VEPH1: variants seen among roughly 807,000 people sequenced by gnomAD.
VEPH1 encodes the protein ventricular zone-expressed PH domain-containing protein homolog 1.
VEPH1 carries 80 observed loss-of-function variants against 85.2 expected under a neutral mutation model. The ratio of observed to expected loss-of-function variants is 0.94; its 90% CI spans 0.78 to 1.13. The LOEUF is 1.13. Ranked by LOEUF, VEPH1 falls within the 50% of genes most tolerant of loss-of-function variation. The pLI is 0.00. For missense variants in VEPH1, 955 were observed against 980.5 expected, an observed-to-expected ratio of 0.97 and a Z score of 0.35; for synonymous variants, 297 against 348.0, an observed-to-expected ratio of 0.85 and a Z score of 1.63.
At chr3:157,389,628 CAGATAGAT>C (rs3086054) in intron 6 of VEPH1, among the ~76,000 whole-genome samples, 51,458 of 143,764 alleles carry the variant, frequency 0.36, 9,276 homozygotes, top group East Asian at 0.37. Flanking sequence ...GATAGGTAAG[CAGATAGAT>C]AGATAGATAG....
At chr3:157,269,642 G>GTTTTTTTTTTTTTTTTT (rs11408861) in intron 12 of VEPH1, among the ~76,000 whole-genome samples, 55 of 115,452 alleles carry the variant, frequency 4.8e-4, no homozygotes, top group African/African-American at 5.6e-4. Context: ...TGTTTTTGTT[G>GTTTTTTTTTTTTTTTTT]TTTTTTTTTT....
intron 2 of VEPH1, among the ~76,000 whole-genome samples, chr3:157,470,857 G>A (rs960481172): frequency 2.6e-5 from 4 of 152,134 alleles, no homozygotes; most frequent in African/African-American, 9.7e-5. Context: ...CAGGGCAGGG[G>A]TTACTTTTTA....
At chr3:157,502,525 T>C (rs895703136) in intron 1 of VEPH1, among the ~76,000 whole-genome samples, 2 of 152,182 alleles carry the variant, frequency 1.3e-5, no homozygotes, top group Admixed American at 6.5e-5. Context: ...CGTGGGTTTG[T>C]TCTTCCAGAA....
At chr3:157,437,132 C>G (rs1023946004) in intron 4 of VEPH1, 1 of 1,559,912 alleles carries the variant, frequency 6.4e-7, no homozygotes, top group Non-Finnish European at 8.8e-7. Context: ...AAATAACACA[C>G]ATATACTTTG....
chr3:157,398,571 T>A (rs990019716), intron 6 of VEPH1, among the ~76,000 whole-genome samples: 8 of 151,126 alleles, frequency 5.3e-5, no homozygotes, highest in African/African-American at 2.0e-4. Context: ...GAGGTGGAGG[T>A]TGCAGTGAGC....
chr3:157,349,670 T>C (rs757703752), intron 9 of VEPH1, among the ~76,000 whole-genome samples: 2 of 152,102 alleles, frequency 1.3e-5, no homozygotes, highest in Non-Finnish European at 2.9e-5. Flanking sequence ...AATTAATAAA[T>C]GAACTCAGTA....
At chr3:157,393,335 A>G (rs768549550) in intron 6 of VEPH1, among the ~76,000 whole-genome samples, 1 of 152,214 alleles carries the variant, frequency 6.6e-6, no homozygotes, top group Non-Finnish European at 1.5e-5. Flanking sequence ...AAATGCTATT[A>G]CCAAATTCAT....
At chr3:157,502,026 A>G (rs998397474) in intron 1 of VEPH1, among the ~76,000 whole-genome samples, 3 of 152,122 alleles carry the variant, frequency 2.0e-5, no homozygotes, top group African/African-American at 7.2e-5. Flanking sequence ...TTCCCATGGG[A>G]ATTGGCTGCA....
chr3:157,401,319 A>G (rs1730776677), intron 6 of VEPH1, among the ~76,000 whole-genome samples: 2 of 152,162 alleles, frequency 1.3e-5, no homozygotes, highest in South Asian at 4.1e-4. Flanking sequence ...CTTTTAGCTC[A>G]TTAGAAAAAG....
intron 4 of VEPH1, chr3:157,442,851 G>C: frequency 6.2e-7 from 1 of 1,614,212 alleles, no homozygotes; most frequent in Non-Finnish European, 8.5e-7. Context: ...CAATATCTGG[G>C]ATAGTGTTCT....
chr3:157,306,536 CG>C lies in VEPH1; in HGVS notation c.2010+7084del, dbSNP rs540864318. Among the ~76,000 whole-genome samples, 320 of 152,086 alleles carry C rather than the reference CG, an allele frequency of 2.1e-3. 1 individual carries two copies. Among genetic ancestry groups the C allele is most frequent in the African/African-American group, 7.3e-3 (303 of 41,526 alleles). On this transcript the variant is annotated intron_variant, in intron 11 of 13. Transcript: ENST00000362010. ...CCTGTATAACATGACTATACCACAA[CG>C]TTTTTTTTCCACATTCCTCTATCAA...
chr3:157,435,806 C>T (rs1332266070), intron 4 of VEPH1, among the ~76,000 whole-genome samples: 1 of 152,176 alleles, frequency 6.6e-6, no homozygotes, highest in Non-Finnish European at 1.5e-5. Context: ...TTGTTAGAAG[C>T]AGAAATCTCT....
chr3:157,390,603 C>T (rs1327668313), intron 6 of VEPH1, among the ~76,000 whole-genome samples: 1 of 152,184 alleles, frequency 6.6e-6, no homozygotes, highest in Non-Finnish European at 1.5e-5. Flanking sequence ...CAAGATAGTA[C>T]ATAAAGATCA....
intron 3 of VEPH1, among the ~76,000 whole-genome samples, chr3:157,469,369 G>A (rs967394593): frequency 1.3e-5 from 2 of 152,198 alleles, no homozygotes; most frequent in Non-Finnish European, 2.9e-5. Flanking sequence ...GCTGCAACAT[G>A]CACTGCTAAG....
intron 12 of VEPH1, among the ~76,000 whole-genome samples, chr3:157,272,403 C>CTTTT (rs1190002890): frequency 1.5e-5 from 2 of 132,890 alleles, no homozygotes; most frequent in Non-Finnish European, 3.2e-5. Flanking sequence ...TTCTTTCTTT[C>CTTTT]TTTCTTTCTT....
At chr3:157,480,833 C>G (rs1475624478) in intron 2 of VEPH1, among the ~76,000 whole-genome samples, 1 of 152,094 alleles carries the variant, frequency 6.6e-6, no homozygotes, top group Non-Finnish European at 1.5e-5. Flanking sequence ...ATTGCTGGGT[C>G]AAGTGGTAGT....
At chr3:157,370,403 G>C (rs1489449751) in intron 7 of VEPH1, among the ~76,000 whole-genome samples, 1 of 152,208 alleles carries the variant, frequency 6.6e-6, no homozygotes, top group African/African-American at 2.4e-5. Context: ...GCAGAGTTAA[G>C]CTTGTTAAAG....
Position 157,470,309 on chromosome 3 carries a change from C to T in VEPH1, c.354+5G>A. The stretch of plus-strand genomic sequence containing the variant: ...CAAATAGCCTGATGTTGAACACTGA[C>T]ATACCTGTAAAATGCAACTCATGAT... On this transcript the variant is annotated splice_donor_5th_base_variant and intron_variant, in intron 3 of 13. Coordinates refer to ENST00000362010, the MANE Select transcript of VEPH1 (RefSeq NM_001167912.2). 6.2e-7 allele frequency: 1 copy of T among 1,613,940 alleles called. No homozygotes were observed. The highest frequency in any genetic ancestry group is 1.1e-5 in the South Asian group (1 of 91,072).
intron 7 of VEPH1, among the ~76,000 whole-genome samples, chr3:157,365,084 C>T (rs1726487808): frequency 7.2e-5 from 11 of 151,984 alleles, no homozygotes; most frequent in Admixed American, 7.2e-4. Flanking sequence ...GTTTATAAAC[C>T]ACTTTGTGGG....
Sources: gnomAD v4.1 joint callset for allele counts (sites outside exome capture counted in the v4.1 genomes callset) on GRCh38, gnomAD v4.1.1 for gene constraint, MANE v1.5 for transcripts, NCBI Gene and HGNC (gene_info 2026-07-23, HGNC 2026-07-21) for gene names.